AK8: variants seen among roughly 807,000 people sequenced by gnomAD.
The protein encoded by AK8 is adenylate kinase 8.
Under a neutral mutation model 54.6 loss-of-function variants are expected in AK8, and 44 were observed. The ratio of observed to expected loss-of-function variants is 0.81; its 90% CI spans 0.63 to 1.04. The LOEUF (loss-of-function observed/expected upper bound fraction) is 1.04, where lower values mean the gene tolerates loss of function less well. AK8 is among the 50% of genes least tolerant of loss of function. The pLI, the probability that AK8 is intolerant of heterozygous loss-of-function variation, is 0.00. For synonymous variants in AK8, 239 were observed against 245.6 expected (o/e 0.97, Z 0.25); for missense variants, 555 against 613.6 (o/e 0.90, Z 1.01).
chr9:132,798,678 T>C (rs573025534), intron 10 of AK8, among the ~76,000 whole-genome samples: 1 of 152,152 alleles, frequency 6.6e-6, no homozygotes, highest in East Asian at 1.9e-4. Flanking sequence ...CCACACCACA[T>C]GGTTTCGTTT....
At chr9:132,820,458 G>A (rs1841536514) in intron 9 of AK8, among the ~76,000 whole-genome samples, 1 of 152,156 alleles carries the variant, frequency 6.6e-6, no homozygotes, top group Non-Finnish European at 1.5e-5. Context: ...TCCATTACAT[G>A]GGTTTATCAC....
At chr9:132,747,193 T>C (rs1448025211) in intron 11 of AK8, among the ~76,000 whole-genome samples, 1 of 152,332 alleles carries the variant, frequency 6.6e-6, no homozygotes, top group Middle Eastern at 3.4e-3. Flanking sequence ...CAGGCTGGAG[T>C]GCAGTGGTGC....
chr9:132,751,838 T>G (rs565636797), intron 11 of AK8, among the ~76,000 whole-genome samples: 58 of 151,992 alleles, frequency 3.8e-4, no homozygotes, highest in African/African-American at 1.4e-3. Context: ...TTATTATTTA[T>G]TTTCTTATTT....
chr9:132,847,669 G>A (rs1481011909), intron 5 of AK8, among the ~76,000 whole-genome samples: 2 of 152,122 alleles, frequency 1.3e-5, no homozygotes, highest in Non-Finnish European at 2.9e-5. Flanking sequence ...ATGAAAAAGA[G>A]AAAACAGCTT....
chr9:132,789,122 C>T lies in AK8; in HGVS notation c.1121+3512G>A, dbSNP rs935873768. Among the ~76,000 whole-genome samples the T allele has an allele frequency of 5.9e-5, 9 of 151,868 alleles. No individual in the cohort carries two copies. In the South Asian group the frequency reaches 1.0e-3, roughly 18 times the overall value. ...CATCCTGGCTAACACGGTGAAACCC[C>T]GTCTCTACTAAAAATACAAAAAATT... is the stretch of plus-strand genomic sequence containing the variant. On this transcript the variant is annotated intron_variant, in intron 11 of 12. Transcript: ENST00000298545.
In AK8 at chr9:132,837,016, C is replaced by G. The variant is rs930254750; in HGVS notation, c.403-8290G>C. The stretch of plus-strand genomic sequence containing the variant: ...CAACTCATTTGAAAAACAGACCAAA[C>G]TCAGCCTAAGAATGGGAGAACGGGC... On this transcript the variant is annotated intron_variant, in intron 5 of 12. Transcript: ENST00000298545. This position sits in a 1 kb window ranked among gnomAD's most constrained non-coding sequence, Gnocchi z 4.3. Among the ~76,000 whole-genome samples, 2 of 152,188 alleles carry G rather than the reference C, an allele frequency of 1.3e-5. No homozygotes were observed. The highest frequency in any genetic ancestry group is 1.3e-4 in the Admixed American group (2 of 15,286).
chr9:132,853,783 C>CAAAAAAAAAAAAAAAAA (rs71376669), intron 5 of AK8, among the ~76,000 whole-genome samples: 1 of 42,600 alleles, frequency 2.3e-5, no homozygotes, highest in Non-Finnish European at 4.2e-5. Flanking sequence ...GACTCTGCCT[C>CAAAAAAAAAAAAAAAAA]AAAAAAAAAA....
chr9:132,815,508 G>T (rs528436013), intron 9 of AK8, among the ~76,000 whole-genome samples: 27 of 152,120 alleles, frequency 1.8e-4, no homozygotes, highest in African/African-American at 6.5e-4. Flanking sequence ...AGCCAAGATC[G>T]CGTCACTGCG....
At chr9:132,754,806 T>TG (rs1838109658) in intron 11 of AK8, among the ~76,000 whole-genome samples, 1 of 151,812 alleles carries the variant, frequency 6.6e-6, no homozygotes, top group Non-Finnish European at 1.5e-5. Context: ...TTTGGTTTTT[T>TG]TTTTTTTTTT....
chr9:132,828,493 T>C (rs1291842499), intron 6 of AK8, 152 bp downstream of exon 6: 3 of 646,016 alleles, frequency 4.6e-6, no homozygotes, highest in Non-Finnish European at 8.0e-6. Flanking sequence ...TATTTAGCTC[T>C]GTGAAAAATT....
chr9:132,863,162 G>A (rs777277814), intron 4 of AK8, among the ~76,000 whole-genome samples: 45 of 152,374 alleles, frequency 3.0e-4, no homozygotes, highest in South Asian at 8.3e-4. Flanking sequence ...GGCACTGCCC[G>A]GACCAGAGGG....
chr9:132,732,086 G>C (rs941738372), intron 11 of AK8, among the ~76,000 whole-genome samples: 6 of 152,166 alleles, frequency 3.9e-5, no homozygotes, highest in African/African-American at 1.4e-4. Context: ...CAGTGTACCT[G>C]AGTTATTATG....
chr9:132,827,556 C>A (rs913122222), intron 7 of AK8: 41 of 208,278 alleles, frequency 2.0e-4, no homozygotes, highest in African/African-American at 9.2e-4. Flanking sequence ...CAGCCCCTTG[C>A]TGAACTGCCT....
intron 12 of AK8, 53 bp downstream of exon 12, chr9:132,727,401 G>A: frequency 1.3e-6 from 2 of 1,550,136 alleles, no homozygotes; most frequent in Non-Finnish European, 1.8e-6. Flanking sequence ...AGTCAGTTGG[G>A]TCTGGCCCCT....
At chr9:132,866,858 T>C in intron 3 of AK8, 46 bp downstream of exon 3, 1 of 1,573,590 alleles carries the variant, frequency 6.4e-7, no homozygotes, top group Non-Finnish European at 8.7e-7. Context: ...CTCTGGAGGA[T>C]CAATGAGATA....
At chr9:132,752,132 G>A (rs1013451159) in intron 11 of AK8, among the ~76,000 whole-genome samples, 17 of 112,456 alleles carry the variant, frequency 1.5e-4, no homozygotes, top group South Asian at 3.3e-4. Flanking sequence ...GCGAGCCACC[G>A]TGCCCAGCCA....
intron 10 of AK8, among the ~76,000 whole-genome samples, 186 bp from the exon 11 acceptor site, chr9:132,792,961 C>T (rs1442664488): frequency 1.3e-5 from 2 of 152,222 alleles, no homozygotes; most frequent in East Asian, 1.9e-4. Flanking sequence ...AGCAACGGGG[C>T]TGCGTGAGAT....
intron 10 of AK8, among the ~76,000 whole-genome samples, chr9:132,802,154 G>A (rs755798980): frequency 2.0e-5 from 3 of 152,226 alleles, no homozygotes; most frequent in South Asian, 2.1e-4. Flanking sequence ...ACCCGATGTC[G>A]CCTGGGGATC....
chr9:132,731,667 G>A (rs560528755), intron 11 of AK8, among the ~76,000 whole-genome samples: 1 of 152,318 alleles, frequency 6.6e-6, no homozygotes, highest in Admixed American at 6.5e-5. Context: ...AGTAAATGAC[G>A]AGATGTCCTA....
Sources: allele counts gnomAD v4.1 joint callset (sites outside exome capture counted in the v4.1 genomes callset), GRCh38; gene constraint gnomAD v4.1.1; non-coding constraint Gnocchi (gnomAD v3.1); transcripts MANE v1.5; gene names NCBI Gene and HGNC (gene_info 2026-07-23, HGNC 2026-07-21).